TAF2: variants seen among roughly 807,000 people sequenced by gnomAD.
TAF2 encodes the protein transcription initiation factor TFIID subunit 2.
A neutral mutation model predicts 138.5 loss-of-function variants in TAF2; 61 were observed. That is an observed-to-expected ratio of 0.44 (90% CI 0.36 to 0.54). The LOEUF (loss-of-function observed/expected upper bound fraction) is 0.54. Among genes scored for constraint, TAF2 ranks in the 20% least tolerant of loss-of-function variants. The probability of loss-of-function intolerance (pLI) is 0.00; values close to 1 mark genes in which losing one functional copy is unlikely to be tolerated. For missense variants in TAF2, 1,090 were observed against 1,427.9 expected (o/e 0.76, Z 3.81); for synonymous variants, 475 against 469.9 (o/e 1.01, Z -0.14).
intron 2 of TAF2, among the ~76,000 whole-genome samples, chr8:119,830,915 G>A (rs954627527): frequency 6.6e-6 from 1 of 152,122 alleles, no homozygotes; most frequent in Non-Finnish European, 1.5e-5. Context: ...AGACCAGCCT[G>A]GCCAACATGG....
chr8:119,806,714 C>T (rs1824682325), intron 3 of TAF2, among the ~76,000 whole-genome samples: 1 of 152,112 alleles, frequency 6.6e-6, no homozygotes, highest in Non-Finnish European at 1.5e-5. Flanking sequence ...GTGATCCATT[C>T]ACCTTGGCCT....
chr8:119,803,910 A>G lies in TAF2; in HGVS notation c.528T>C (p.His176=). 6.2e-7 allele frequency: 1 copy of G among 1,613,968 alleles called. No individual in the cohort carries two copies. Among genetic ancestry groups the G allele is most frequent in the Non-Finnish European group, 8.5e-7 (1 of 1,179,948 alleles). Residue 176 remains histidine (H), a synonymous_variant, in exon 5 of 26, where the codon CAT becomes CAC. Transcript: ENST00000378164. The part of the protein sequence containing the change: ...VEGSMAERGA[H]VFSCGYQNST... ...AATTTTGATACCCACAAGAGAAAACATGAGCACCTCTCTCTGCCATACTTC... is the reference window on the plus strand; with the variant it reads ...AATTTTGATACCCACAAGAGAAAACGTGAGCACCTCTCTCTGCCATACTTC...
At chr8:119,769,304 G>A (rs1821663092) in intron 18 of TAF2, among the ~76,000 whole-genome samples, 1 of 152,120 alleles carries the variant, frequency 6.6e-6, no homozygotes, top group Non-Finnish European at 1.5e-5. Flanking sequence ...CTCAAGGTGG[G>A]AGGAGAGGAA....
In TAF2 at chr8:119,780,188, T is replaced by G. The variant is rs994099401; in HGVS notation, c.2253+865A>C. Among the ~76,000 whole-genome samples the G allele has an allele frequency of 6.6e-5, 10 of 152,224 alleles. No homozygotes were observed. In the South Asian group the frequency reaches 2.1e-3, roughly 32 times the overall value. ...TAAAAAAAAACCTCTATGTATGATATCCAAATAGCTCAAATGCTGACCATC... is the reference window on the plus strand; with the variant it reads ...TAAAAAAAAACCTCTATGTATGATAGCCAAATAGCTCAAATGCTGACCATC... On this transcript the variant is annotated intron_variant, in intron 17 of 25. Coordinates refer to ENST00000378164, the MANE Select transcript of TAF2 (RefSeq NM_003184.4).
chr8:119,804,693 T>C (rs1275099033), intron 4 of TAF2, among the ~76,000 whole-genome samples: 1 of 152,194 alleles, frequency 6.6e-6, no homozygotes, highest in East Asian at 1.9e-4. Flanking sequence ...CCTCTTTTTC[T>C]TCCTAGTCTC....
intron 18 of TAF2, among the ~76,000 whole-genome samples, chr8:119,767,542 A>C (rs572244048): frequency 9.8e-5 from 15 of 152,308 alleles, no homozygotes; most frequent in Non-Finnish European, 1.8e-4. Flanking sequence ...TAATACAGTG[A>C]GCTGCCCGAA....
chr8:119,750,655 T>C (rs1464125075), intron 22 of TAF2, among the ~76,000 whole-genome samples: 1 of 152,170 alleles, frequency 6.6e-6, no homozygotes, highest in African/African-American at 2.4e-5. Flanking sequence ...ACCATTTCCA[T>C]TCCTAAGAAA....
intron 3 of TAF2, among the ~76,000 whole-genome samples, chr8:119,815,450 A>G (rs1825394458): frequency 1.3e-5 from 2 of 151,718 alleles, no homozygotes; most frequent in Admixed American, 1.3e-4. Context: ...AATTTTTTGT[A>G]TTTTTAGTAG....
intron 5 of TAF2, among the ~76,000 whole-genome samples, chr8:119,802,890 C>A (rs1824363352): frequency 6.6e-6 from 1 of 152,128 alleles, no homozygotes; most frequent in Admixed American, 6.5e-5. Context: ...TGCGCCACTG[C>A]ACTCCAGCTG....
chr8:119,830,343 T>A (rs1826367689), intron 2 of TAF2, among the ~76,000 whole-genome samples: 2 of 152,208 alleles, frequency 1.3e-5, no homozygotes. Context: ...TATTAATGGC[T>A]AAATATATGT....
At chr8:119,818,162 A>T (rs1372378821) in intron 3 of TAF2, among the ~76,000 whole-genome samples, 1 of 152,230 alleles carries the variant, frequency 6.6e-6, no homozygotes, top group African/African-American at 2.4e-5. Flanking sequence ...AGTGGTTCTC[A>T]AGCTTCGGTC....
Position 119,801,893 on chromosome 8 carries a change from C to T in TAF2, c.693G>A (p.Lys231=). The change falls in exon 6 of 26, where the codon AAG becomes AAA. Residue 231 remains lysine, a synonymous_variant. Transcript: ENST00000378164. ...VETVYTHDMR[K]KTFHYMLTIP... ...TGGTAAGCATATAATGGAAAGTTTT[C>T]TTCCTCATATCATGAGTATACACTG... 6.2e-7 allele frequency: 1 copy of T among 1,614,182 alleles called. No individual in the cohort carries two copies. Among genetic ancestry groups the T allele is most frequent in the Non-Finnish European group, 8.5e-7 (1 of 1,180,036 alleles).
chr8:119,742,323 T>C (rs1010033130), intron 25 of TAF2, among the ~76,000 whole-genome samples: 1 of 142,666 alleles, frequency 7.0e-6, no homozygotes, highest in Non-Finnish European at 1.6e-5. Context: ...TTTCCAAGTT[T>C]TCTATAATAG....
intron 14 of TAF2, among the ~76,000 whole-genome samples, chr8:119,787,828 G>C (rs1823130032): frequency 6.6e-6 from 1 of 152,130 alleles, no homozygotes; most frequent in Non-Finnish European, 1.5e-5. Flanking sequence ...GCCAAGACTT[G>C]GAACCAACCC....
intron 20 of TAF2, among the ~76,000 whole-genome samples, chr8:119,759,029 T>C (rs1017850844): frequency 2.0e-5 from 3 of 152,124 alleles, no homozygotes; most frequent in Non-Finnish European, 4.4e-5. Flanking sequence ...CTTACTCATA[T>C]TTATGAGACA....
rs1322000883 is a variant in TAF2 at position 119,744,381 on chromosome 8, G to A, written c.3121C>T (p.Gln1041Ter). The A allele has an allele frequency of 6.2e-7, 1 of 1,613,296 alleles. No homozygotes were observed. Among genetic ancestry groups the A allele is most frequent in the Non-Finnish European group, 8.5e-7 (1 of 1,179,814 alleles). ...VGFQNPFSSS[Q>*]DEEEIDMDTV... Reference sequence around the variant, plus strand: ...TCCATATCAATCTCCTCCTCATCTTGAGAACTGGAAAACTAAAACACACAC... The same window carrying A: ...TCCATATCAATCTCCTCCTCATCTTAAGAACTGGAAAACTAAAACACACAC... The change falls in exon 24 of 26, where the codon CAA becomes TAA. Residue 1041 changes from glutamine (Q) to a stop codon, truncating the protein, a stop_gained. Coordinates refer to ENST00000378164, the MANE Select transcript of TAF2 (RefSeq NM_003184.4). LOFTEE classifies it high-confidence loss of function.
At chr8:119,802,390 T>C (rs1824326181) in intron 5 of TAF2, among the ~76,000 whole-genome samples, 1 of 152,248 alleles carries the variant, frequency 6.6e-6, no homozygotes, top group Admixed American at 6.5e-5. Flanking sequence ...CAAAAAGTTT[T>C]ATAAAGCATA....
At chr8:119,750,025 C>G (rs1820240690) in intron 22 of TAF2, among the ~76,000 whole-genome samples, 1 of 152,168 alleles carries the variant, frequency 6.6e-6, no homozygotes, top group African/African-American at 2.4e-5. Flanking sequence ...AGACAAACAC[C>G]ACCAAAGTAG....
At chr8:119,741,490 A>G (rs1169886977) in intron 25 of TAF2, among the ~76,000 whole-genome samples, 2 of 152,220 alleles carry the variant, frequency 1.3e-5, no homozygotes, top group Admixed American at 6.5e-5. Flanking sequence ...ATTAAGTGCA[A>G]TAAGTCCCCA....
Sources: allele counts gnomAD v4.1 joint callset (sites outside exome capture counted in the v4.1 genomes callset), GRCh38; gene constraint gnomAD v4.1.1; transcripts MANE v1.5; gene names NCBI Gene and HGNC (gene_info 2026-07-23, HGNC 2026-07-21).